The following PDZD2 variants were observed in gnomAD, a reference collection of about 807,000 sequenced individuals.
PDZD2 encodes PDZ domain containing 2.
Under a neutral mutation model 220.7 loss-of-function variants are expected in PDZD2, and 90 were observed. That is an observed-to-expected ratio of 0.41 (90% CI 0.34 to 0.49). The LOEUF is 0.49. PDZD2 is among the 20% of genes least tolerant of loss of function. PDZD2 has a pLI of 0.28. For synonymous variants in PDZD2, 1,375 were observed against 1,450.5 expected (o/e 0.95, Z 1.18); for missense variants, 3,174 against 3,608.5 (o/e 0.88, Z 3.08).
intron 2 of PDZD2, among the ~76,000 whole-genome samples, chr5:31,808,438 T>C (rs1052354851): frequency 6.6e-6 from 1 of 152,216 alleles, no homozygotes; most frequent in Admixed American, 6.5e-5. Context: ...CATTACGGAC[T>C]GTTTGTTCGT....
rs1021506248 is a variant in PDZD2 at position 31,672,718 on chromosome 5, G to A, written c.-361+33281G>A. The stretch of plus-strand genomic sequence containing the variant: ...GCACCTTCCTTATGGACAGTGACAG[G>A]CACAGGTCTGCCAACCTGAAATTCT... On this transcript the variant is annotated intron_variant, in intron 1 of 24. Coordinates refer to ENST00000438447, the MANE Select transcript of PDZD2 (RefSeq NM_178140.4). 2.6e-5 allele frequency among the ~76,000 whole-genome samples: 4 copies of A among 152,186 alleles called. No individual in the cohort carries two copies. In the East Asian group the frequency reaches 5.8e-4, roughly 22 times the overall value.
chr5:31,999,621 C>T (rs1165046227), intron 4 of PDZD2, among the ~76,000 whole-genome samples: 2 of 152,166 alleles, frequency 1.3e-5, no homozygotes, highest in Admixed American at 6.5e-5. Flanking sequence ...GATAGAGACA[C>T]GTGTAGTGTA....
At chr5:31,882,711 T>C (rs1740036517) in intron 2 of PDZD2, among the ~76,000 whole-genome samples, 1 of 152,112 alleles carries the variant, frequency 6.6e-6, no homozygotes, top group African/African-American at 2.4e-5. Flanking sequence ...TTAGCAAATA[T>C]TTATTGAAAC....
chr5:31,836,945 G>C (rs1756968422), intron 2 of PDZD2, among the ~76,000 whole-genome samples: 1 of 152,004 alleles, frequency 6.6e-6, no homozygotes, highest in Non-Finnish European at 1.5e-5. Flanking sequence ...TTAAATCCAG[G>C]AGGTGGAGGT....
At chr5:32,069,762 C>G (rs528970382) in intron 15 of PDZD2, 112 bp downstream of exon 15, 2 of 653,248 alleles carry the variant, frequency 3.1e-6, no homozygotes, top group African/African-American at 1.8e-5. Flanking sequence ...TCAGGTTTGG[C>G]AAAAGTAGCT....
intron 6 of PDZD2, among the ~76,000 whole-genome samples, chr5:32,016,018 TGGA>T (rs1056863550): frequency 1.3e-5 from 2 of 152,234 alleles, no homozygotes; most frequent in African/African-American, 4.8e-5. Flanking sequence ...GGAAAAATCT[TGGA>T]GAACTTTTGG....
intron 1 of PDZD2, among the ~76,000 whole-genome samples, chr5:31,655,354 A>C (rs369735960): frequency 5.9e-5 from 9 of 152,040 alleles, no homozygotes; most frequent in African/African-American, 1.7e-4. Flanking sequence ...CTGTATTTTT[A>C]GTAGAGACGG....
At chr5:32,009,441 T>C (rs1753110051) in intron 5 of PDZD2, among the ~76,000 whole-genome samples, 1 of 151,802 alleles carries the variant, frequency 6.6e-6, no homozygotes, top group African/African-American at 2.4e-5. Context: ...CAGCAGAGGA[T>C]CTTGGGCCAG....
At chr5:32,107,704 T>C (rs78444393) in intron 24 of PDZD2, among the ~76,000 whole-genome samples, 5,361 of 152,318 alleles carry the variant, frequency 0.035, 142 homozygotes, top group Non-Finnish European at 0.051. Context: ...GTTGATTAAA[T>C]ACATAGAGAG....
intron 2 of PDZD2, among the ~76,000 whole-genome samples, chr5:31,874,790 ACAGAATCTAGCAAACATCTATATGT>A (rs1349053129): frequency 6.6e-6 from 1 of 151,986 alleles, no homozygotes; most frequent in African/African-American, 2.4e-5. Flanking sequence ...AAAATGCAAA[ACAGAATCTAGCAAACATCTATATGT>A]CTGCCACTCA....
At chr5:31,998,728 A>G (rs1004402086) in intron 4 of PDZD2, among the ~76,000 whole-genome samples, 1 of 152,272 alleles carries the variant, frequency 6.6e-6, no homozygotes, top group Non-Finnish European at 1.5e-5. Flanking sequence ...ACGATAGCTG[A>G]TGAGCTTAAA....
At chr5:31,792,990 C>T (rs1461829845) in intron 1 of PDZD2, among the ~76,000 whole-genome samples, 3 of 151,850 alleles carry the variant, frequency 2.0e-5, no homozygotes, top group African/African-American at 7.3e-5. Flanking sequence ...AGGTGTGCGC[C>T]TCCACAACCA....
intron 1 of PDZD2, among the ~76,000 whole-genome samples, chr5:31,697,120 T>C (rs1192496181): frequency 6.6e-6 from 1 of 152,216 alleles, no homozygotes; most frequent in Non-Finnish European, 1.5e-5. Flanking sequence ...ATGGGCCTTA[T>C]GCCTGTTTTC....
At chr5:32,091,298 T>A in intron 20 of PDZD2, 123 bp downstream of exon 20, 1 of 788,908 alleles carries the variant, frequency 1.3e-6, no homozygotes, top group Non-Finnish European at 1.9e-6. Flanking sequence ...TTTTTTTTTT[T>A]TTTTGAGATG....
chr5:31,707,312 AATTAATTAATT>A (rs2150136897), intron 1 of PDZD2, among the ~76,000 whole-genome samples: 1 of 148,808 alleles, frequency 6.7e-6, no homozygotes, highest in African/African-American at 2.5e-5. Context: ...TAAATAAATT[AATTAATTAATT>A]AATTAATTAA....
At position 31,766,323 on chromosome 5, in the gene PDZD2, A is replaced by T. The variant is rs570439596; in HGVS notation, c.-360-32566A>T. Among the ~76,000 whole-genome samples the T allele has an allele frequency of 2.0e-5, 3 of 152,342 alleles. No homozygotes were observed. The South Asian group carries it at 6.2e-4, about 32-fold the overall frequency. ...CAGATGTCCATATTTGAAGATGCTA[A>T]TATAAAAAAAGAAGTCCATGGTCAA... On this transcript the variant is annotated intron_variant, in intron 1 of 24. Transcript: ENST00000438447.
intron 2 of PDZD2, among the ~76,000 whole-genome samples, chr5:31,922,366 T>C (rs1744346441): frequency 6.6e-6 from 1 of 152,246 alleles, no homozygotes; most frequent in African/African-American, 2.4e-5. Context: ...GCTACGCTCT[T>C]AATCTTCCCC....
Position 32,104,728 on chromosome 5 carries a change from A to T in PDZD2, c.8354-3241A>T, listed in dbSNP as rs1456433096. On this transcript the variant is annotated intron_variant, in intron 24 of 24. Coordinates refer to ENST00000438447, the MANE Select transcript of PDZD2 (RefSeq NM_178140.4). ...AGAAGGCTCCATCTAAAAAAAAAAA[A>T]AAAAAAAAAAAAAAAAAACATATAA... is the stretch of plus-strand genomic sequence containing the variant. 8.9e-4 allele frequency among the ~76,000 whole-genome samples: 127 copies of T among 141,980 alleles called. 3 individuals carry two copies. Among genetic ancestry groups the T allele is most frequent in the African/African-American group, 3.4e-3 (116 of 34,166 alleles). The allele number at this position is 141,980 out of a possible 152,430, so 93.1% of individuals were successfully genotyped here.
In PDZD2 at chr5:32,000,913, T is replaced by C. The variant is rs1308543270; in HGVS notation, c.1254+642T>C. Among the ~76,000 whole-genome samples the C allele has an allele frequency of 6.6e-6, 1 of 152,210 alleles. No homozygotes were observed. The highest frequency in any genetic ancestry group is 1.9e-4 in the East Asian group (1 of 5,190). ...TGTTAGGAGCTGGGCTGCGCAGCAG[T>C]AGGTGAGTGGCCTGTGAGACAGCGT... On this transcript the variant is annotated intron_variant, in intron 5 of 24. Coordinates refer to ENST00000438447, the MANE Select transcript of PDZD2 (RefSeq NM_178140.4). This position sits in a 1 kb window ranked among gnomAD's most constrained non-coding sequence, Gnocchi z 4.5.
Sources: gnomAD v4.1 joint callset for allele counts (sites outside exome capture counted in the v4.1 genomes callset) on GRCh38, gnomAD v4.1.1 for gene constraint, Gnocchi (gnomAD v3.1) non-coding constraint, MANE v1.5 for transcripts, NCBI Gene and HGNC (gene_info 2026-07-23, HGNC 2026-07-21) for gene names.